The following RPL37 variants were observed in gnomAD, a reference collection of about 807,000 sequenced individuals.
RPL37 encodes the protein ribosomal protein L37, also known as large ribosomal subunit protein eL37.
A neutral mutation model predicts 14.8 loss-of-function variants in RPL37; 1 was observed. The ratio of observed to expected loss-of-function variants is 0.07; its 90% CI spans 0.02 to 0.32. RPL37 has a LOEUF of 0.32. Ranked by LOEUF, RPL37 falls within the 10% of genes least tolerant of loss-of-function variation. The pLI is 1.00. For synonymous variants in RPL37, 53 were observed against 45.8 expected (o/e 1.16, Z -0.63); for missense variants, 100 against 128.3 (o/e 0.78, Z 1.06).
Position 40,828,450 on chromosome 5 carries a change from C to T in RPL37, c.*4054G>A, listed in dbSNP as rs1460299196. The stretch of plus-strand genomic sequence containing the variant: ...GTAGTCACTAAATAGATACTTGCTT[C>T]ATGAATGAAGGGCACCATTTAGTCA... On this transcript the variant is annotated 3_prime_UTR_variant, in exon 4 of 4. Transcript: ENST00000274242. 1 of 152,232 alleles carries T rather than the reference C, an allele frequency of 6.6e-6. No homozygotes were observed. The highest frequency in any genetic ancestry group is 1.9e-4 in the East Asian group (1 of 5,184). The allele number at this position is 152,232 out of a possible 1,614,324, so 9.4% of individuals were successfully genotyped here.
rs1267970448 is a variant in RPL37 at position 40,832,166 on chromosome 5, A to G, written c.*338T>C. ...TTGCTAAAGGTAATTTAAACATCAT[A>G]CTCTTTCAAATTTACTCAAACATCT... is the stretch of plus-strand genomic sequence containing the variant. On this transcript the variant is annotated 3_prime_UTR_variant, in exon 4 of 4. Transcript: ENST00000274242. 3.7e-6 allele frequency: 1 copy of G among 272,916 alleles called. No individual in the cohort carries two copies. Among genetic ancestry groups the G allele is most frequent in the Non-Finnish European group, 7.3e-6 (1 of 136,066 alleles). 16.9% of individuals were successfully genotyped at this position (272,916 alleles called of 1,614,324 possible).
chr5:40,832,732 A>G, intron 3 of RPL37, 159 bp from the exon 4 acceptor site: 1 of 757,590 alleles, frequency 1.3e-6, no homozygotes, highest in South Asian at 1.4e-5. Context: ...ATCACTGATA[A>G]GCTGAAATTC....
Position 40,830,300 on chromosome 5 carries a change from G to C in RPL37, c.*2204C>G, listed in dbSNP as rs1745614647. The C allele has an allele frequency of 6.6e-6, 1 of 152,158 alleles. No individual in the cohort carries two copies. Among genetic ancestry groups the C allele is most frequent in the African/African-American group, 2.4e-5 (1 of 41,424 alleles). The allele number at this position is 152,158 out of a possible 1,614,324, so 9.4% of individuals were successfully genotyped here. ...TAACTTAAGGCAGGACTGAAGTGCT[G>C]TTAAAGATAGAAATATAGACAATAG... On this transcript the variant is annotated 3_prime_UTR_variant, in exon 4 of 4. Coordinates refer to ENST00000274242, the MANE Select transcript of RPL37 (RefSeq NM_000997.5).
At chr5:40,833,439 C>T (rs1745685742) in intron 3 of RPL37, among the ~76,000 whole-genome samples, 1 of 152,216 alleles carries the variant, frequency 6.6e-6, no homozygotes, top group South Asian at 2.1e-4. Context: ...GGGTTAATCT[C>T]TTAGAAACTA....
At chr5:40,834,151 A>G (rs773809252) in intron 3 of RPL37, 30 bp downstream of exon 3, 1 of 1,505,522 alleles carries the variant, frequency 6.6e-7, no homozygotes, top group South Asian at 1.1e-5. Context: ...AGCCCACTGG[A>G]CCAATTATGA....
At chr5:40,835,105 C>T in intron 1 of RPL37, 78 bp downstream of exon 1, 9 of 1,596,824 alleles carry the variant, frequency 5.6e-6, no homozygotes, top group East Asian at 2.2e-5. Context: ...ATCTTGCCAG[C>T]CCCCCAAGCA....
At chr5:40,833,020 G>A (rs915814732) in intron 3 of RPL37, among the ~76,000 whole-genome samples, 1 of 152,104 alleles carries the variant, frequency 6.6e-6, no homozygotes, top group African/African-American at 2.4e-5. Context: ...TCTACTCTAA[G>A]AAGTATCTAC....
At position 40,832,533 on chromosome 5, in the gene RPL37, C is replaced by T. The variant is rs548862946; in HGVS notation, c.265G>A (p.Ala89Thr). 2.6e-5 allele frequency: 42 copies of T among 1,613,946 alleles called. No individual in the cohort carries two copies. The highest frequency in any genetic ancestry group is 2.1e-4 in the South Asian group (19 of 91,076). ...REGTTPKPKR[A>T]AVAASSSS is the part of the protein sequence containing the mutation. ...GATGAACTGGATGCTGCAACAGCTG[C>T]CCTCTTGGGTTTAGGTGTTGTTCCT... The change falls in exon 4 of 4, where the codon GCA (alanine) becomes ACA (threonine). Residue 89 changes from alanine to threonine, a missense_variant. Physicochemically the swap from Ala to Thr is moderately conservative, Grantham distance 58. This residue lies in a region of RPL37 where 74 missense variants were observed against 69.9 expected (regional missense o/e 1.06). Coordinates refer to ENST00000274242, the MANE Select transcript of RPL37 (RefSeq NM_000997.5).
chr5:40,825,361 A>C lies in RPL37; in HGVS notation c.*7143T>G, dbSNP rs541093299. On this transcript the variant is annotated 3_prime_UTR_variant, in exon 4 of 4. Coordinates refer to ENST00000274242, the MANE Select transcript of RPL37 (RefSeq NM_000997.5). ...CATAACTTTAACAGATAATCTCTGT[A>C]TCTTAGTTTTTGCCTTTGCAAAACA... is the stretch of plus-strand genomic sequence containing the variant. The C allele has an allele frequency of 1.5e-4, 22 of 148,904 alleles. No individual in the cohort carries two copies. Among genetic ancestry groups the C allele is most frequent in the African/African-American group, 4.9e-4 (20 of 40,494 alleles). The allele number at this position is 148,904 out of a possible 1,614,324, so 9.2% of individuals were successfully genotyped here.
chr5:40,834,287 G>C (rs752741998), intron 2 of RPL37, 22 bp from the exon 3 acceptor site: 4 of 1,608,188 alleles, frequency 2.5e-6, no homozygotes, highest in East Asian at 4.5e-5. Context: ...GTTCAGAAAA[G>C]ATTTCAAACG....
Position 40,832,314 on chromosome 5 carries a change from A to G in RPL37, c.*190T>C. ...TCTCATTGCCTTTAACCGTGTTACA[A>G]ACCCAGTCCAAAAGTAAACATTCCA... On this transcript the variant is annotated 3_prime_UTR_variant, in exon 4 of 4. Coordinates refer to ENST00000274242, the MANE Select transcript of RPL37 (RefSeq NM_000997.5). 3 of 629,196 alleles carry G rather than the reference A, an allele frequency of 4.8e-6. No individual in the cohort carries two copies. Among genetic ancestry groups the G allele is most frequent in the Non-Finnish European group, 8.8e-6 (3 of 341,260 alleles). 39.0% of individuals were successfully genotyped at this position (629,196 alleles called of 1,614,324 possible).
rs1358403469 is a variant in RPL37, at chr5:40,826,672, A to C, written c.*5832T>G. ...GTTTTTTTCAGGCCAGGGATGTGAG[A>C]ATGTTTCCTGAGGACCAGATGTGTG... is the stretch of plus-strand genomic sequence containing the variant. On this transcript the variant is annotated 3_prime_UTR_variant, in exon 4 of 4. Transcript: ENST00000274242. 6.6e-6 allele frequency: 1 copy of C among 152,180 alleles called. No individual in the cohort carries two copies. The highest frequency in any genetic ancestry group is 1.5e-5 in the Non-Finnish European group (1 of 68,046). 9.4% of individuals were successfully genotyped at this position (152,180 alleles called of 1,614,324 possible).
At chr5:40,833,785 A>G (rs576686083) in intron 3 of RPL37, 15 of 161,650 alleles carry the variant, frequency 9.3e-5, no homozygotes, top group Non-Finnish European at 1.2e-4. Flanking sequence ...ACTGATGTCA[A>G]GGTTACAGCG....
Position 40,832,578 on chromosome 5 carries a change from AG to A in RPL37, c.225-6del, listed in dbSNP as rs1274053096. The A allele has an allele frequency of 4.3e-6, 7 of 1,612,960 alleles. No homozygotes were observed. Among genetic ancestry groups the A allele is most frequent in the Non-Finnish European group, 5.9e-6 (7 of 1,178,870 alleles). ...GTTCCTTCACGGAATCCATGCCTGC[AG>A]GATGTCAAAAACAAGAACAAGTTAC... On this transcript the variant is annotated splice_polypyrimidine_tract_variant and splice_region_variant and intron_variant, in intron 3 of 3. Transcript: ENST00000274242.
In RPL37 at chr5:40,828,221, A is replaced by C. The variant is rs1370388221; in HGVS notation, c.*4283T>G. 6.6e-6 allele frequency: 1 copy of C among 152,132 alleles called. No individual in the cohort carries two copies. The highest frequency in any genetic ancestry group is 1.9e-4 in the East Asian group (1 of 5,188). The allele number at this position is 152,132 out of a possible 1,614,324, so 9.4% of individuals were successfully genotyped here. A position where few individuals can be genotyped will look rare whatever the true frequency, so the allele number is the denominator to read the frequency against. On this transcript the variant is annotated 3_prime_UTR_variant, in exon 4 of 4. Transcript: ENST00000274242. ...GGCTCCTTATCATTCAACTTAACCA[A>C]CCTTCTAAAGGTTCCTCCATCCCCA...
chr5:40,832,982 T>C (rs1368704687), intron 3 of RPL37, among the ~76,000 whole-genome samples: 2 of 152,224 alleles, frequency 1.3e-5, no homozygotes, highest in African/African-American at 2.4e-5. Context: ...ACCAAGAGCT[T>C]TGCATTTTAA....
In RPL37 at chr5:40,834,474, T is replaced by C. The variant is rs774396126; in HGVS notation, c.136A>G (p.Lys46Glu). The C allele has an allele frequency of 3.1e-6, 5 of 1,612,532 alleles. No individual in the cohort carries two copies. The highest frequency in any genetic ancestry group is 4.2e-6 in the Non-Finnish European group (5 of 1,179,728). Reference protein sequence around the residue: ...KCGYPAKRKRKYNWSAKAKRR... With the variant: ...KCGYPAKRKREYNWSAKAKRR... Reference sequence around the variant, plus strand: ...TGGCCTGAAAAATGTTACTTACACTTTCTCTTGCGCTTGGCAGGGTAGCCA... The same window carrying C: ...TGGCCTGAAAAATGTTACTTACACTCTCTCTTGCGCTTGGCAGGGTAGCCA... The change falls in exon 2 of 4, where the codon AAG becomes GAG. Residue 46 changes from lysine to glutamate, a missense_variant. Physicochemically the swap from Lys to Glu is moderately conservative, Grantham distance 56 (BLOSUM62 1). Transcript: ENST00000274242.
rs992901306 is a variant in RPL37, at chr5:40,826,453, A to G, written c.*6051T>C. ...CAGAAGGGGTCTAGGATAGAGACCA[A>G]TGAAGAAATTTCTTTGGAGAATTGT... On this transcript the variant is annotated 3_prime_UTR_variant, in exon 4 of 4. Coordinates refer to ENST00000274242, the MANE Select transcript of RPL37 (RefSeq NM_000997.5). The G allele has an allele frequency of 2.6e-5, 4 of 152,212 alleles. No homozygotes were observed. Among genetic ancestry groups the G allele is most frequent in the South Asian group, 4.1e-4 (2 of 4,838 alleles). 9.4% of individuals were successfully genotyped at this position (152,212 alleles called of 1,614,324 possible).
At position 40,830,175 on chromosome 5, in the gene RPL37, A is replaced by G. The variant is rs1190596818; in HGVS notation, c.*2329T>C. ...CAGATGGGGTACTTAGGAAAAATAA[A>G]TTTAACATTTTTGCACACCAACATA... On this transcript the variant is annotated 3_prime_UTR_variant, in exon 4 of 4. Coordinates refer to ENST00000274242, the MANE Select transcript of RPL37 (RefSeq NM_000997.5). 2 of 152,156 alleles carry G rather than the reference A, an allele frequency of 1.3e-5. No individual in the cohort carries two copies. The highest frequency in any genetic ancestry group is 2.9e-5 in the Non-Finnish European group (2 of 68,038). The allele number at this position is 152,156 out of a possible 1,614,324, so 9.4% of individuals were successfully genotyped here.
Sources: allele counts gnomAD v4.1 joint callset (sites outside exome capture counted in the v4.1 genomes callset), GRCh38; gene constraint gnomAD v4.1.1; regional missense constraint gnomAD v4.1.1; transcripts MANE v1.5; gene names NCBI Gene and HGNC (gene_info 2026-07-23, HGNC 2026-07-21).